The following CDH19 variants were observed in gnomAD, a reference collection of about 807,000 sequenced individuals.
CDH19 encodes the protein cadherin 19, also known as cadherin-19.
Under a neutral mutation model 64.2 loss-of-function variants are expected in CDH19, and 67 were observed. The ratio of observed to expected loss-of-function variants is 1.04; its 90% CI spans 0.86 to 1.28. The LOEUF is 1.28. Among genes scored for constraint, CDH19 ranks in the 50% most tolerant of loss-of-function variants. The pLI is 0.00. For synonymous variants in CDH19, 346 were observed against 319.3 expected, an observed-to-expected ratio of 1.08 and a Z score of -0.89; for missense variants, 1,030 against 929.0, an observed-to-expected ratio of 1.11 and a Z score of -1.41.
At chr18:66,597,323 T>G (rs1988926271) in intron 1 of CDH19, among the ~76,000 whole-genome samples, 1 of 151,986 alleles carries the variant, frequency 6.6e-6, no homozygotes, top group Non-Finnish European at 1.5e-5. Context: ...AACCATCTGA[T>G]CTTCGATGAA....
At chr18:66,511,770 C>T (rs1985502611) in intron 9 of CDH19, 85 bp from the exon 10 acceptor site, 1 of 721,728 alleles carries the variant, frequency 1.4e-6, no homozygotes, top group Admixed American at 2.3e-5. Context: ...CTTTTATTCA[C>T]ATTGCTTTAT....
intron 1 of CDH19, among the ~76,000 whole-genome samples, chr18:66,587,617 A>G (rs539138706): frequency 2.7e-4 from 41 of 152,160 alleles, no homozygotes; most frequent in South Asian, 1.2e-3. Flanking sequence ...AGTGATGTAC[A>G]CCATTTTCGA....
intron 1 of CDH19, among the ~76,000 whole-genome samples, chr18:66,595,054 T>C (rs1988848525): frequency 6.7e-6 from 1 of 150,196 alleles, no homozygotes; most frequent in African/African-American, 2.4e-5. Flanking sequence ...ACTCAAACCA[T>C]ACAGTTACAT....
chr18:66,600,656 T>G (rs932768048), intron 1 of CDH19, among the ~76,000 whole-genome samples: 4 of 151,894 alleles, frequency 2.6e-5, no homozygotes, highest in African/African-American at 9.7e-5. Flanking sequence ...TATAAATAAT[T>G]CACATGGTCT....
chr18:66,504,737 G>A lies in CDH19; in HGVS notation c.*75C>T, dbSNP rs556878769. ...GGGCTTTCCCCGCCATAGAGCCAGGGCACAAAACTCTTTAAGACTACCATT... is the reference window on the plus strand; with the variant it reads ...GGGCTTTCCCCGCCATAGAGCCAGGACACAAAACTCTTTAAGACTACCATT... On this transcript the variant is annotated 3_prime_UTR_variant, in exon 12 of 12. Transcript: ENST00000262150. 1.1e-4 allele frequency: 161 copies of A among 1,451,042 alleles called. No homozygotes were observed. Among genetic ancestry groups the A allele is most frequent in the Middle Eastern group, 9.2e-4 (5 of 5,442 alleles). 89.9% of individuals were successfully genotyped at this position (1,451,042 alleles called of 1,614,324 possible).
chr18:66,563,212 A>G (rs920246593), intron 3 of CDH19, among the ~76,000 whole-genome samples: 4 of 152,060 alleles, frequency 2.6e-5, no homozygotes, highest in Non-Finnish European at 5.9e-5. Flanking sequence ...TACATTTATT[A>G]TGGAATACTA....
At chr18:66,535,830 ATAT>A (rs1476359708) in intron 7 of CDH19, among the ~76,000 whole-genome samples, 1 of 147,284 alleles carries the variant, frequency 6.8e-6, no homozygotes, top group Non-Finnish European at 1.5e-5. Context: ...ATGTTTTATT[ATAT>A]ATTACATACA....
chr18:66,527,038 T>C (rs1986247609), intron 9 of CDH19, among the ~76,000 whole-genome samples: 2 of 108,558 alleles, frequency 1.8e-5, no homozygotes, highest in African/African-American at 8.4e-5. Flanking sequence ...TAAATATGTA[T>C]ATATATATAT....
At chr18:66,561,494 T>G (rs907638689) in intron 3 of CDH19, among the ~76,000 whole-genome samples, 8 of 152,138 alleles carry the variant, frequency 5.3e-5, no homozygotes, top group Admixed American at 4.6e-4. Flanking sequence ...GTAAGCAGAA[T>G]TGGGTAACTA....
rs746989885 is a variant in CDH19 at position 66,572,009 on chromosome 18, C to G, written c.195+1G>C. ...CTGTAACATTTTAAATAAATAAGTACCTGGCCGATGTGATGACTAGTCGTA... is the reference window on the plus strand; with the variant it reads ...CTGTAACATTTTAAATAAATAAGTAGCTGGCCGATGTGATGACTAGTCGTA... On this transcript the variant is annotated splice_donor_variant, in intron 2 of 11. Coordinates refer to ENST00000262150, the MANE Select transcript of CDH19 (RefSeq NM_021153.4). LOFTEE classifies it high-confidence loss of function. 2.5e-6 allele frequency: 4 copies of G among 1,600,220 alleles called. No homozygotes were observed. Among genetic ancestry groups the G allele is most frequent in the Non-Finnish European group, 3.4e-6 (4 of 1,170,268 alleles).
intron 7 of CDH19, among the ~76,000 whole-genome samples, chr18:66,535,629 A>G (rs922408424): frequency 1.4e-5 from 2 of 146,982 alleles, no homozygotes; most frequent in African/African-American, 4.9e-5. Flanking sequence ...ATATATATAT[A>G]TATAAACATA....
chr18:66,548,120 T>G (rs1161021282), intron 5 of CDH19, among the ~76,000 whole-genome samples: 1 of 146,640 alleles, frequency 6.8e-6, no homozygotes, highest in East Asian at 1.9e-4. Context: ...ATATAAAATA[T>G]TATATATTAT....
chr18:66,529,738 GA>G (rs1986365433), intron 9 of CDH19, 106 bp downstream of exon 9: 1 of 327,824 alleles, frequency 3.1e-6, no homozygotes, highest in African/African-American at 2.3e-5. Context: ...GAATATTAAA[GA>G]TGTTGATATC....
At chr18:66,544,247 C>T in intron 6 of CDH19, 23 bp from the exon 7 acceptor site, 1 of 1,591,798 alleles carries the variant, frequency 6.3e-7, no homozygotes, top group South Asian at 1.1e-5. Context: ...ACAGTATACA[C>T]AAAAGAAATG....
chr18:66,518,471 T>G (rs942934239), intron 9 of CDH19, among the ~76,000 whole-genome samples: 2 of 152,060 alleles, frequency 1.3e-5, no homozygotes, highest in Non-Finnish European at 2.9e-5. Flanking sequence ...TGACCTCAGG[T>G]GATCCTCTCG....
chr18:66,583,088 A>T (rs1988472230), intron 1 of CDH19, among the ~76,000 whole-genome samples: 1 of 152,066 alleles, frequency 6.6e-6, no homozygotes, highest in Admixed American at 6.6e-5. Context: ...GATTTGCCTA[A>T]AACACCTTTA....
chr18:66,507,826 T>C (rs1381199847), intron 11 of CDH19, among the ~76,000 whole-genome samples: 1 of 151,934 alleles, frequency 6.6e-6, no homozygotes, highest in Non-Finnish European at 1.5e-5. Context: ...TGGTATGCAA[T>C]GTGATGTCTG....
At chr18:66,574,388 GT>G (rs1268181832) in intron 1 of CDH19, among the ~76,000 whole-genome samples, 1 of 151,400 alleles carries the variant, frequency 6.6e-6, no homozygotes, top group Non-Finnish European at 1.5e-5. Context: ...TGTTGAACGT[GT>G]TAAGCAGAAA....
chr18:66,557,656 T>C (rs1398262218), intron 3 of CDH19, among the ~76,000 whole-genome samples: 1 of 152,010 alleles, frequency 6.6e-6, no homozygotes, highest in Non-Finnish European at 1.5e-5. Flanking sequence ...CAACAATGTT[T>C]TAGAAATGCT....
Sources: allele counts gnomAD v4.1 joint callset (sites outside exome capture counted in the v4.1 genomes callset), GRCh38; gene constraint gnomAD v4.1.1; transcripts MANE v1.5; gene names NCBI Gene and HGNC (gene_info 2026-07-23, HGNC 2026-07-21).